The following SYT14 variants were observed in gnomAD, a reference collection of about 807,000 sequenced individuals.
SYT14 encodes the protein synaptotagmin-14.
SYT14 carries 32 observed loss-of-function variants against 74.2 expected under a neutral mutation model. That is an observed-to-expected ratio of 0.43 (90% CI 0.33 to 0.58). SYT14 has a LOEUF of 0.58. Among genes scored for constraint, SYT14 ranks in the 20% least tolerant of loss-of-function variants. SYT14 has a pLI of 0.05. For missense variants in SYT14, 791 were observed against 981.8 expected (o/e 0.81, Z 2.60); for synonymous variants, 298 against 337.7 (o/e 0.88, Z 1.29).
At chr1:210,020,967 C>A in intron 4 of SYT14, 72 bp from the exon 4 acceptor site, 1 of 1,265,688 alleles carries the variant, frequency 7.9e-7, no homozygotes, top group Non-Finnish European at 1.1e-6. Flanking sequence ...ATTTGACGGG[C>A]CCAGTAGGGC....
intron 2 of SYT14, among the ~76,000 whole-genome samples, chr1:209,969,111 C>A (rs898786311): frequency 6.6e-6 from 1 of 151,940 alleles, no homozygotes; most frequent in Non-Finnish European, 1.5e-5. Context: ...TATTCCATGG[C>A]GTTTATGGAC....
chr1:209,967,644 A>G (rs6540573), intron 2 of SYT14, among the ~76,000 whole-genome samples: 99,852 of 151,838 alleles, frequency 0.66, 33,802 homozygotes, highest in East Asian at 0.86. Flanking sequence ...CTGTAGACTC[A>G]AATGAAGATA....
chr1:210,045,998 C>G (rs2080877626), intron 5 of SYT14, among the ~76,000 whole-genome samples: 2 of 152,098 alleles, frequency 1.3e-5, no homozygotes, highest in Non-Finnish European at 2.9e-5. Context: ...ATTACTTTAT[C>G]TTAATAATTG....
intron 5 of SYT14, among the ~76,000 whole-genome samples, chr1:210,043,954 CA>C (rs1324196964): frequency 6.6e-6 from 1 of 152,006 alleles, no homozygotes; most frequent in African/African-American, 2.4e-5. Flanking sequence ...GTAATATGGG[CA>C]TGGAGTGTAT....
chr1:210,128,198 C>T (rs1052744766), intron 7 of SYT14, among the ~76,000 whole-genome samples: 13 of 151,862 alleles, frequency 8.6e-5, no homozygotes, highest in Non-Finnish European at 1.6e-4. Flanking sequence ...CACAGGGAGA[C>T]CCAGTCTCTA....
At chr1:210,138,240 C>T (rs113360535) in intron 7 of SYT14, among the ~76,000 whole-genome samples, 9 of 152,234 alleles carry the variant, frequency 5.9e-5, no homozygotes, top group Non-Finnish European at 8.8e-5. Context: ...TCTTACATGG[C>T]GACAGGCAAG....
At chr1:210,075,244 G>A (rs1324547577) in intron 5 of SYT14, among the ~76,000 whole-genome samples, 1 of 152,032 alleles carries the variant, frequency 6.6e-6, no homozygotes, top group Non-Finnish European at 1.5e-5. Flanking sequence ...TGCTCCCCTC[G>A]ATGTCCTCTC....
chr1:210,150,571 G>T (rs1444543439), intron 7 of SYT14, among the ~76,000 whole-genome samples: 1 of 152,182 alleles, frequency 6.6e-6, no homozygotes, highest in African/African-American at 2.4e-5. Context: ...ATTAGCGGCA[G>T]CTCTAACTTT....
Position 210,113,297 on chromosome 1 carries a change from G to A in SYT14, c.2034+12836G>A, listed in dbSNP as rs541565668. On this transcript the variant is annotated intron_variant, in intron 7 of 9. Coordinates refer to ENST00000637265, the Ensembl canonical transcript of SYT14. ...GTGGGGTCAGCTAGGTTTATCTAGAGCAGAATAATGGGTTGTGGAGGGGTT... is the reference window on the plus strand; with the variant it reads ...GTGGGGTCAGCTAGGTTTATCTAGAACAGAATAATGGGTTGTGGAGGGGTT... Among the ~76,000 whole-genome samples the A allele has an allele frequency of 4.0e-5, 6 of 151,220 alleles. 1 individual carries two copies. Among genetic ancestry groups the A allele is most frequent in the African/African-American group, 1.2e-4 (5 of 40,604 alleles).
chr1:209,949,300 C>T (rs911398568), intron 1 of SYT14, among the ~76,000 whole-genome samples: 1 of 152,028 alleles, frequency 6.6e-6, no homozygotes, highest in Admixed American at 6.6e-5. Context: ...CTAGGCTGGG[C>T]GTGGTGGCTC....
At chr1:210,023,458 C>G (rs1044735965) in intron 5 of SYT14, among the ~76,000 whole-genome samples, 1 of 152,198 alleles carries the variant, frequency 6.6e-6, no homozygotes, top group Admixed American at 6.5e-5. Context: ...ATTCTCCTGC[C>G]TCAGCCTCCC....
intron 7 of SYT14, among the ~76,000 whole-genome samples, chr1:210,116,392 G>A (rs1412652841): frequency 2.0e-5 from 3 of 152,296 alleles, no homozygotes; most frequent in African/African-American, 7.2e-5. Context: ...ACGCTGGAGT[G>A]CAGTGGCACA....
At chr1:209,998,368 A>G (rs2079835132) in intron 2 of SYT14, among the ~76,000 whole-genome samples, 1 of 152,262 alleles carries the variant, frequency 6.6e-6, no homozygotes, top group South Asian at 2.1e-4. Flanking sequence ...TAAAATGACC[A>G]TATTACACAA....
At chr1:209,948,496 T>A (rs990608240) in intron 1 of SYT14, among the ~76,000 whole-genome samples, 1 of 152,252 alleles carries the variant, frequency 6.6e-6, no homozygotes. Context: ...CTTGTCACTT[T>A]CTATCTGTTT....
chr1:210,107,520 A>T (rs1251459687), intron 7 of SYT14, among the ~76,000 whole-genome samples: 1 of 152,142 alleles, frequency 6.6e-6, no homozygotes, highest in Non-Finnish European at 1.5e-5. Flanking sequence ...ACTGTATTTG[A>T]TTTTTTTAAC....
chr1:209,954,856 C>T (rs1043571383), intron 2 of SYT14, among the ~76,000 whole-genome samples: 6 of 152,066 alleles, frequency 3.9e-5, no homozygotes, highest in Non-Finnish European at 8.8e-5. Context: ...CAGGCGCATG[C>T]CACCATGCCC....
chr1:210,088,099 A>G (rs932284296), intron 5 of SYT14, among the ~76,000 whole-genome samples: 1 of 149,844 alleles, frequency 6.7e-6, no homozygotes, highest in African/African-American at 2.5e-5. Flanking sequence ...TTTCTGTTAT[A>G]TGCTTGGTTT....
intron 5 of SYT14, among the ~76,000 whole-genome samples, chr1:210,077,673 T>C (rs1486524324): frequency 1.3e-5 from 2 of 152,246 alleles, no homozygotes; most frequent in Non-Finnish European, 2.9e-5. Context: ...AACTGTTTTT[T>C]GAAATGATTG....
intron 5 of SYT14, among the ~76,000 whole-genome samples, chr1:210,047,330 G>A (rs1318037033): frequency 5.3e-5 from 8 of 152,054 alleles, no homozygotes; most frequent in Non-Finnish European, 1.0e-4. Context: ...GGATTTTTCT[G>A]TTGCTTAGGT....
Sources: allele counts gnomAD v4.1 joint callset (sites outside exome capture counted in the v4.1 genomes callset), GRCh38; gene constraint gnomAD v4.1.1; transcripts MANE v1.5; gene names NCBI Gene and HGNC (gene_info 2026-07-23, HGNC 2026-07-21).